Variants in SHTN1 observed in about 807,000 individuals in gnomAD.
SHTN1 encodes shootin-1.
SHTN1 carries 42 observed loss-of-function variants against 83.1 expected under a neutral mutation model. The observed-to-expected ratio is 0.51, with a 90% CI of 0.39 to 0.65. The LOEUF (loss-of-function observed/expected upper bound fraction) is 0.65. Ranked by LOEUF, SHTN1 falls within the 30% of genes least tolerant of loss-of-function variation. The pLI is 0.00. For synonymous variants in SHTN1, 224 were observed against 247.7 expected, an observed-to-expected ratio of 0.90 and a Z score of 0.90; for missense variants, 622 against 737.8, an observed-to-expected ratio of 0.84 and a Z score of 1.82.
chr10:116,893,557 C>A (rs1400673927), intron 16 of SHTN1, among the ~76,000 whole-genome samples: 2 of 145,036 alleles, frequency 1.4e-5, no homozygotes, highest in Admixed American at 7.0e-5. Context: ...CCCTCCCCCT[C>A]CCTGATAGGC....
intron 1 of SHTN1, among the ~76,000 whole-genome samples, chr10:117,121,303 C>T (rs568794002): frequency 6.6e-6 from 1 of 152,132 alleles, no homozygotes; most frequent in Admixed American, 6.5e-5. Context: ...TTGGGCCAGG[C>T]GTGGTGGCTT....
At chr10:116,978,593 A>AATAT (rs568748731) in intron 2 of SHTN1, among the ~76,000 whole-genome samples, 10 of 149,490 alleles carry the variant, frequency 6.7e-5, no homozygotes, top group Non-Finnish European at 1.2e-4. Context: ...ATTTACAAGA[A>AATAT]ATATATATAT....
At chr10:117,118,443 G>A (rs1393552591) in intron 1 of SHTN1, among the ~76,000 whole-genome samples, 1 of 150,038 alleles carries the variant, frequency 6.7e-6, no homozygotes, top group African/African-American at 2.4e-5. Flanking sequence ...CTCATACACA[G>A]GGATGGGAAA....
upstream of SHTN1, chr10:117,005,406 G>T: frequency 8.6e-7 from 1 of 1,165,780 alleles, no homozygotes; most frequent in South Asian, 2.2e-5. Context: ...GGGAGGGGGG[G>T]CGGCCCTGCG....
chr10:116,935,072 G>A lies in SHTN1; in HGVS notation c.859-5070C>T, dbSNP rs568825942. Among the ~76,000 whole-genome samples, 7 of 152,286 alleles carry A rather than the reference G, an allele frequency of 4.6e-5. No homozygotes were observed. In the South Asian group the frequency reaches 6.2e-4, roughly 14 times the overall value. ...GCTTAAGGAGATTTTGGGCTGAAAC[G>A]ATGGGGTTTTCTAAATATACAATCA... On this transcript the variant is annotated intron_variant, in intron 9 of 16. Transcript: ENST00000355371.
chr10:116,971,242 A>G (rs1850607089), intron 2 of SHTN1, among the ~76,000 whole-genome samples: 2 of 152,180 alleles, frequency 1.3e-5, no homozygotes, highest in South Asian at 4.1e-4. Flanking sequence ...AAAATGAGTT[A>G]GGCTGGACCT....
At position 116,903,707 on chromosome 10, in the gene SHTN1, C is replaced by T. The variant is rs1847844483; in HGVS notation, c.1481-1750G>A. Among the ~76,000 whole-genome samples the T allele has an allele frequency of 2.0e-5, 3 of 152,172 alleles. 1 individual carries two copies. Among genetic ancestry groups the T allele is most frequent in the South Asian group, 4.2e-4 (2 of 4,816 alleles). ...CAGCTCTATTCTGCCCTTGGGTAAG[C>T]GTTGACTACAATACTAGTTAGCTTT... is the stretch of plus-strand genomic sequence containing the variant. On this transcript the variant is annotated intron_variant, in intron 15 of 16. Coordinates refer to ENST00000355371, the MANE Select transcript of SHTN1 (RefSeq NM_001127211.3).
chr10:117,107,980 T>C (rs1358842091), intron 1 of SHTN1, among the ~76,000 whole-genome samples: 2 of 152,212 alleles, frequency 1.3e-5, no homozygotes, highest in South Asian at 2.1e-4. Flanking sequence ...CATGAGCCAC[T>C]GCACCTGGCC....
At position 116,953,895 on chromosome 10, in the gene SHTN1, C is replaced by T. The variant is rs961502244; in HGVS notation, c.436+147G>A. ...CCACCCGCCTTGGCCTCCCAAAGTG[C>T]TAGGATTACAGGCGTGAGCCACCAC... On this transcript the variant is annotated intron_variant, in intron 5 of 16. Transcript: ENST00000355371. The T allele has an allele frequency of 2.5e-5, 15 of 599,940 alleles. No homozygotes were observed. In the East Asian group the frequency reaches 3.0e-4, roughly 12 times the overall value. The allele number at this position is 599,940 out of a possible 1,614,324, so 37.2% of individuals were successfully genotyped here.
chr10:116,942,524 T>C (rs1849418917), intron 8 of SHTN1, among the ~76,000 whole-genome samples: 1 of 152,168 alleles, frequency 6.6e-6, no homozygotes, highest in Admixed American at 6.5e-5. Context: ...AAAAATTTAA[T>C]TATGTTGAAG....
intron 1 of SHTN1, among the ~76,000 whole-genome samples, chr10:117,092,954 A>G (rs1402252699): frequency 6.6e-6 from 1 of 152,176 alleles, no homozygotes; most frequent in Non-Finnish European, 1.5e-5. Context: ...CAGAGCTGAA[A>G]TTCTTCAACA....
chr10:116,923,373 A>C (rs1269366454), intron 11 of SHTN1, among the ~76,000 whole-genome samples: 1 of 152,234 alleles, frequency 6.6e-6, no homozygotes, highest in African/African-American at 2.4e-5. Context: ...GAATTCTTTC[A>C]ACTGCATCAT....
intron 16 of SHTN1, chr10:116,901,490 TATC>T: frequency 1.0e-5 from 10 of 984,012 alleles, no homozygotes; most frequent in Non-Finnish European, 1.2e-5. Flanking sequence ...GCAGAGTCTG[TATC>T]ATCCAGATCA....
At chr10:117,037,781 G>A (rs139349413) in intron 2 of SHTN1, among the ~76,000 whole-genome samples, 103 of 152,168 alleles carry the variant, frequency 6.8e-4, no homozygotes, top group African/African-American at 2.2e-3. Flanking sequence ...GCCAAGACGG[G>A]TGGATCACAA....
At chr10:117,093,399 G>A (rs1307258621) in intron 1 of SHTN1, among the ~76,000 whole-genome samples, 1 of 151,498 alleles carries the variant, frequency 6.6e-6, no homozygotes, top group Non-Finnish European at 1.5e-5. Context: ...GAAAAAAAAA[G>A]CCACGTATCA....
intron 2 of SHTN1, among the ~76,000 whole-genome samples, chr10:117,047,812 T>C (rs1852687852): frequency 6.7e-6 from 1 of 150,226 alleles, no homozygotes; most frequent in Non-Finnish European, 1.5e-5. Context: ...AGATGGGGTT[T>C]CACCATGTTG....
chr10:117,081,743 T>G (rs1422610587), intron 1 of SHTN1, among the ~76,000 whole-genome samples: 3 of 149,190 alleles, frequency 2.0e-5, no homozygotes, highest in African/African-American at 7.3e-5. Flanking sequence ...GAGATTCAAC[T>G]TCTTCCTGGT....
intron 2 of SHTN1, among the ~76,000 whole-genome samples, chr10:117,034,333 A>C (rs1156266600): frequency 6.6e-6 from 1 of 152,122 alleles, no homozygotes; most frequent in Non-Finnish European, 1.5e-5. Context: ...AAATTCAGTA[A>C]AGTTGCAGGA....
At chr10:116,951,059 T>C (rs1849759517) in intron 6 of SHTN1, among the ~76,000 whole-genome samples, 1 of 152,176 alleles carries the variant, frequency 6.6e-6, no homozygotes, top group Non-Finnish European at 1.5e-5. Context: ...ATCAAGACTG[T>C]GAAGGCAAAT....
Sources: allele counts gnomAD v4.1 joint callset (sites outside exome capture counted in the v4.1 genomes callset), GRCh38; gene constraint gnomAD v4.1.1; transcripts MANE v1.5; gene names NCBI Gene and HGNC (gene_info 2026-07-23, HGNC 2026-07-21).